SLC24A3: variants seen among roughly 807,000 people sequenced by gnomAD.
SLC24A3 encodes the protein solute carrier family 24 member 3.
A neutral mutation model predicts 75.8 loss-of-function variants in SLC24A3; 28 were observed. That is an observed-to-expected ratio of 0.37 (90% CI 0.27 to 0.51). The LOEUF (loss-of-function observed/expected upper bound fraction) is 0.51, where lower values mean the gene tolerates loss of function less well. SLC24A3 is among the 20% of genes least tolerant of loss of function. The pLI is 0.94. For missense variants in SLC24A3, 663 were observed against 847.8 expected, an observed-to-expected ratio of 0.78 and a Z score of 2.71; for synonymous variants, 372 against 334.1, an observed-to-expected ratio of 1.11 and a Z score of -1.24.
chr20:19,461,529 C>CTTTTTTTTT (rs11468628), intron 2 of SLC24A3, among the ~76,000 whole-genome samples: 1,926 of 101,252 alleles, frequency 0.019, 1 homozygote, highest in Non-Finnish European at 0.021. Context: ...TCTTTTTTTT[C>CTTTTTTTTT]TTTTTTTTTT....
intron 2 of SLC24A3, among the ~76,000 whole-genome samples, chr20:19,465,779 T>C (rs144612236): frequency 1.9e-4 from 29 of 152,302 alleles, no homozygotes; most frequent in African/African-American, 6.3e-4. Context: ...TAATAGAATC[T>C]CACGCTACTT....
At chr20:19,229,390 A>G (rs916623796) in intron 1 of SLC24A3, among the ~76,000 whole-genome samples, 2 of 151,800 alleles carry the variant, frequency 1.3e-5, no homozygotes, top group South Asian at 2.1e-4. Context: ...TCCTGTGTTT[A>G]TTTTCAAATA....
chr20:19,654,513 T>C (rs1319181751), intron 7 of SLC24A3, among the ~76,000 whole-genome samples: 1 of 151,934 alleles, frequency 6.6e-6, no homozygotes, highest in East Asian at 1.9e-4. Flanking sequence ...CCCATTACCG[T>C]GGCCACCTTT....
At position 19,684,039 on chromosome 20, in the gene SLC24A3, G is replaced by A. The variant is rs2032643930; in HGVS notation, c.902-137G>A. 3 of 910,770 alleles carry A rather than the reference G, an allele frequency of 3.3e-6. No homozygotes were observed. In the South Asian group the frequency reaches 5.2e-5, roughly 16 times the overall value. The allele number at this position is 910,770 out of a possible 1,614,324, so 56.4% of individuals were successfully genotyped here. On this transcript the variant is annotated intron_variant, in intron 10 of 16. Transcript: ENST00000328041. ...AAGAAATAAGGAAAGAAGAGTGGAT[G>A]AGTGGATAGATGGATGGGTGAATGG...
intron 15 of SLC24A3, among the ~76,000 whole-genome samples, chr20:19,711,580 TCACATGCAAA>T (rs1477164555): frequency 1.3e-5 from 2 of 151,130 alleles, no homozygotes; most frequent in African/African-American, 2.4e-5. Context: ...ACGTGCATGC[TCACATGCAAA>T]CACATGCACA....
chr20:19,218,604 T>C (rs1474444975), intron 1 of SLC24A3, among the ~76,000 whole-genome samples: 1 of 152,226 alleles, frequency 6.6e-6, no homozygotes, highest in Non-Finnish European at 1.5e-5. Context: ...TAGATATGTC[T>C]CTTTCCTCTT....
At chr20:19,331,146 G>A (rs188764406) in intron 2 of SLC24A3, among the ~76,000 whole-genome samples, 2 of 152,250 alleles carry the variant, frequency 1.3e-5, no homozygotes, top group East Asian at 3.9e-4. Context: ...CATATTATCG[G>A]GTCAATTGAC....
At chr20:19,259,880 G>A (rs1423320903) in intron 1 of SLC24A3, among the ~76,000 whole-genome samples, 1 of 152,106 alleles carries the variant, frequency 6.6e-6, no homozygotes, top group African/African-American at 2.4e-5. Context: ...TTTCTATCAT[G>A]TTTTCCTTTT....
intron 1 of SLC24A3, among the ~76,000 whole-genome samples, chr20:19,273,275 A>G (rs1380169565): frequency 1.3e-5 from 2 of 152,184 alleles, no homozygotes; most frequent in African/African-American, 4.8e-5. Flanking sequence ...TGGGAAGTAG[A>G]GAAAGAGCCA....
At chr20:19,359,062 A>G (rs1397342562) in intron 2 of SLC24A3, among the ~76,000 whole-genome samples, 1 of 152,164 alleles carries the variant, frequency 6.6e-6, no homozygotes, top group Admixed American at 6.5e-5. Flanking sequence ...CCTATAGTAA[A>G]TAGTGCTACT....
intron 2 of SLC24A3, among the ~76,000 whole-genome samples, chr20:19,415,490 A>G (rs1327074889): frequency 1.3e-5 from 2 of 152,164 alleles, no homozygotes; most frequent in African/African-American, 2.4e-5. Context: ...CATACCATTC[A>G]TTTTTCCTAA....
At chr20:19,536,903 C>G (rs1470312548) in intron 3 of SLC24A3, among the ~76,000 whole-genome samples, 14 of 152,132 alleles carry the variant, frequency 9.2e-5, no homozygotes, top group African/African-American at 3.4e-4. Context: ...TTACATGTTA[C>G]ACCTAAAACC....
intron 6 of SLC24A3, among the ~76,000 whole-genome samples, chr20:19,634,375 G>A (rs1480048171): frequency 6.6e-6 from 1 of 152,020 alleles, no homozygotes; most frequent in African/African-American, 2.4e-5. Flanking sequence ...AATTCTGCTG[G>A]GGAGACTCTA....
chr20:19,554,086 T>A (rs1223574805), intron 3 of SLC24A3, among the ~76,000 whole-genome samples: 1 of 152,150 alleles, frequency 6.6e-6, no homozygotes, highest in Non-Finnish European at 1.5e-5. Flanking sequence ...GTATCCTCTA[T>A]CCAGTATGGT....
chr20:19,682,031 T>C, intron 10 of SLC24A3, 40 bp downstream of exon 10: 1 of 1,605,654 alleles, frequency 6.2e-7, no homozygotes, highest in Middle Eastern at 2.0e-4. Context: ...GGCAGGAGGA[T>C]CAATTGAGGC....
At position 19,551,330 on chromosome 20, in the gene SLC24A3, A is replaced by T. The variant is rs138105478; in HGVS notation, c.349-28670A>T. 3.2e-4 allele frequency among the ~76,000 whole-genome samples: 48 copies of T among 152,306 alleles called. 2 individuals are homozygous for T. The East Asian group carries it at 8.9e-3, about 28-fold the overall frequency. ...GTAGGTATTCATAATGATAAGGTCT[A>T]CTATGGTATGATTATGGAGGTGAGT... On this transcript the variant is annotated intron_variant, in intron 3 of 16. Coordinates refer to ENST00000328041, the MANE Select transcript of SLC24A3 (RefSeq NM_020689.4).
intron 2 of SLC24A3, among the ~76,000 whole-genome samples, chr20:19,492,396 T>C (rs1361735940): frequency 2.6e-5 from 4 of 152,220 alleles, no homozygotes; most frequent in Admixed American, 2.0e-4. Context: ...ACTCCACTTA[T>C]CTGCCAGTGT....
At chr20:19,611,666 A>C (rs1294659034) in intron 6 of SLC24A3, among the ~76,000 whole-genome samples, 1 of 152,198 alleles carries the variant, frequency 6.6e-6, no homozygotes, top group East Asian at 1.9e-4. Flanking sequence ...AAGAGTGCAG[A>C]ATAATCTCAG....
rs749080229 is a variant in SLC24A3, at chr20:19,546,655, G to A, written c.348+31091G>A. ...TGGGGGGCAGACTCGCAATTTTTAAGGTCCTTTCCAATTTGGAGTTTCTCT... is the reference window on the plus strand; with the variant it reads ...TGGGGGGCAGACTCGCAATTTTTAAAGTCCTTTCCAATTTGGAGTTTCTCT... On this transcript the variant is annotated intron_variant, in intron 3 of 16. Coordinates refer to ENST00000328041, the MANE Select transcript of SLC24A3 (RefSeq NM_020689.4). Among the ~76,000 whole-genome samples the A allele has an allele frequency of 2.6e-5, 4 of 152,222 alleles. No individual in the cohort carries two copies. In the South Asian group the frequency reaches 8.3e-4, roughly 32 times the overall value.
Sources: gnomAD v4.1 joint callset for allele counts (sites outside exome capture counted in the v4.1 genomes callset) on GRCh38, gnomAD v4.1.1 for gene constraint, MANE v1.5 for transcripts, NCBI Gene and HGNC (gene_info 2026-07-23, HGNC 2026-07-21) for gene names.